The following TNIK variants were observed in gnomAD, a reference collection of about 807,000 sequenced individuals.
TNIK encodes TRAF2 and NCK-interacting protein kinase.
In TNIK, 49 loss-of-function variants were observed where a neutral mutation model predicts 191.3. The ratio of observed to expected loss-of-function variants is 0.26; its 90% CI spans 0.20 to 0.32. The LOEUF is 0.32. Among genes scored for constraint, TNIK ranks in the 10% least tolerant of loss-of-function variants. The probability of loss-of-function intolerance (pLI) is 1.00; values close to 1 mark genes in which losing one functional copy is unlikely to be tolerated. For synonymous variants in TNIK, 594 were observed against 600.9 expected, an observed-to-expected ratio of 0.99 and a Z score of 0.17; for missense variants, 1,155 against 1,702.3, an observed-to-expected ratio of 0.68 and a Z score of 5.66.
intron 2 of TNIK, among the ~76,000 whole-genome samples, chr3:171,230,732 T>C (rs75093562): frequency 0.011 from 1,604 of 152,304 alleles, 23 homozygotes; most frequent in African/African-American, 0.037. Flanking sequence ...ACCTCACTTG[T>C]CGATTCCTCG....
chr3:171,298,997 C>T (rs2108264427), intron 2 of TNIK, among the ~76,000 whole-genome samples: 1 of 152,278 alleles, frequency 6.6e-6, no homozygotes, highest in African/African-American at 2.4e-5. Context: ...AGCTTAGCCA[C>T]AGTCTGACCG....
At chr3:171,290,854 T>A (rs1418546736) in intron 2 of TNIK, among the ~76,000 whole-genome samples, 1 of 152,160 alleles carries the variant, frequency 6.6e-6, no homozygotes, top group African/African-American at 2.4e-5. Flanking sequence ...AACAGCCAGA[T>A]AAGTAGGAAG....
intron 2 of TNIK, among the ~76,000 whole-genome samples, chr3:171,230,796 A>C (rs140789726): frequency 1.3e-5 from 2 of 152,258 alleles, no homozygotes; most frequent in East Asian, 3.9e-4. Context: ...CAAGGACCTC[A>C]AAGGATTAAT....
chr3:171,188,649 G>T (rs576721895), intron 7 of TNIK, 53 bp downstream of exon 7: 2 of 1,598,572 alleles, frequency 1.3e-6, no homozygotes, highest in African/African-American at 2.7e-5. Flanking sequence ...GACTTTATAA[G>T]ACTCAGGATA....
At chr3:171,437,904 T>C (rs1041161368) in intron 1 of TNIK, among the ~76,000 whole-genome samples, 5 of 152,002 alleles carry the variant, frequency 3.3e-5, no homozygotes, top group African/African-American at 9.7e-5. Flanking sequence ...ATCCGGGGAG[T>C]TGATAACCAG....
At chr3:171,263,430 T>C (rs753160619) in intron 2 of TNIK, among the ~76,000 whole-genome samples, 28 of 152,176 alleles carry the variant, frequency 1.8e-4, no homozygotes, top group Non-Finnish European at 7.3e-5. Context: ...TGTACCAGAC[T>C]GCAACTCTGT....
At chr3:171,233,899 G>T (rs1036707082) in intron 2 of TNIK, among the ~76,000 whole-genome samples, 1 of 152,156 alleles carries the variant, frequency 6.6e-6, no homozygotes, top group Non-Finnish European at 1.5e-5. Flanking sequence ...GACCAGATAG[G>T]GTGGGGTTGT....
chr3:171,294,063 A>G (rs1751987411), intron 2 of TNIK, among the ~76,000 whole-genome samples: 1 of 113,416 alleles, frequency 8.8e-6, no homozygotes, highest in African/African-American at 3.3e-5. Flanking sequence ...TGTCTCTACT[A>G]AAAATACAAA....
chr3:171,222,828 G>A (rs556140217), intron 3 of TNIK, among the ~76,000 whole-genome samples: 7 of 152,072 alleles, frequency 4.6e-5, no homozygotes, highest in Non-Finnish European at 8.8e-5. Context: ...GCAATCCTAC[G>A]GTGTTACTCT....
At chr3:171,134,184 C>T (rs779215226) in intron 15 of TNIK, among the ~76,000 whole-genome samples, 1 of 152,190 alleles carries the variant, frequency 6.6e-6, no homozygotes, top group Non-Finnish European at 1.5e-5. Context: ...CGATGTTCAA[C>T]AGAACATCAT....
intron 1 of TNIK, among the ~76,000 whole-genome samples, chr3:171,398,680 T>C (rs1261452917): frequency 1.3e-5 from 2 of 152,184 alleles, no homozygotes; most frequent in Admixed American, 6.5e-5. Context: ...AATGAAAGGA[T>C]AACTGTCTAT....
intron 12 of TNIK, among the ~76,000 whole-genome samples, chr3:171,149,614 A>C (rs746472110): frequency 6.6e-6 from 1 of 152,156 alleles, no homozygotes; most frequent in Non-Finnish European, 1.5e-5. Context: ...GGGGTTCCTT[A>C]TATCCATGCA....
chr3:171,406,387 A>G (rs1295189844), intron 1 of TNIK, among the ~76,000 whole-genome samples: 1 of 152,092 alleles, frequency 6.6e-6, no homozygotes, highest in Non-Finnish European at 1.5e-5. Context: ...GCAGCAGGGC[A>G]CCCTCCATAT....
At chr3:171,394,461 T>C (rs1719974691) in intron 1 of TNIK, among the ~76,000 whole-genome samples, 1 of 152,160 alleles carries the variant, frequency 6.6e-6, no homozygotes, top group Non-Finnish European at 1.5e-5. Flanking sequence ...ACACTCTAAT[T>C]TGGGGCTCTT....
chr3:171,135,323 GA>G (rs1344226001), intron 15 of TNIK, among the ~76,000 whole-genome samples: 2 of 152,168 alleles, frequency 1.3e-5, no homozygotes, highest in African/African-American at 4.8e-5. Context: ...AAAAGATCAA[GA>G]ATGTAAAGAT....
chr3:171,090,395 A>C (rs1244554790), intron 23 of TNIK, among the ~76,000 whole-genome samples: 2 of 151,760 alleles, frequency 1.3e-5, no homozygotes, highest in African/African-American at 2.4e-5. Context: ...CGACTTAAAA[A>C]ATGTTCTTTT....
intron 12 of TNIK, among the ~76,000 whole-genome samples, chr3:171,148,702 T>C (rs890054748): frequency 1.3e-5 from 2 of 152,208 alleles, no homozygotes; most frequent in Non-Finnish European, 2.9e-5. Flanking sequence ...CAGGAACTGG[T>C]AACATTTGTG....
At chr3:171,094,529 T>G (rs895557604) in intron 22 of TNIK, among the ~76,000 whole-genome samples, 1 of 152,200 alleles carries the variant, frequency 6.6e-6, no homozygotes, top group African/African-American at 2.4e-5. Flanking sequence ...GTAGCCAGAC[T>G]GAGCAAGTGT....
chr3:171,091,737 A>G (rs929438976), intron 23 of TNIK, among the ~76,000 whole-genome samples: 3 of 151,698 alleles, frequency 2.0e-5, no homozygotes, highest in Non-Finnish European at 4.4e-5. Flanking sequence ...TCCATCTCCA[A>G]AAATAATAAT....
Sources: allele counts gnomAD v4.1 joint callset (sites outside exome capture counted in the v4.1 genomes callset), GRCh38; gene constraint gnomAD v4.1.1; transcripts MANE v1.5; gene names NCBI Gene and HGNC (gene_info 2026-07-23, HGNC 2026-07-21).